The following SBNO1 variants were observed in gnomAD, a reference collection of about 807,000 sequenced individuals.
The protein encoded by SBNO1 is protein strawberry notch homolog 1.
A neutral mutation model predicts 173.6 loss-of-function variants in SBNO1; 23 were observed. The observed-to-expected ratio is 0.13, with a 90% CI of 0.10 to 0.19. SBNO1 has a LOEUF of 0.19. Among genes scored for constraint, SBNO1 ranks in the 10% least tolerant of loss-of-function variants. The pLI is 1.00. For missense variants in SBNO1, 1,238 were observed against 1,671.2 expected (o/e 0.74, Z 4.52); for synonymous variants, 632 against 571.5 (o/e 1.11, Z -1.51).
intron 1 of SBNO1, among the ~76,000 whole-genome samples, chr12:123,358,984 G>A (rs529623195): frequency 1.3e-3 from 204 of 151,714 alleles, no homozygotes; most frequent in Non-Finnish European, 2.1e-3. Flanking sequence ...CCAGGATGGA[G>A]GGCAGAGGCG....
intron 17 of SBNO1, among the ~76,000 whole-genome samples, chr12:123,321,229 G>A (rs931970364): frequency 6.6e-5 from 10 of 152,106 alleles, no homozygotes; most frequent in African/African-American, 1.7e-4. Flanking sequence ...ATGAGCCACC[G>A]CGCCTGGATG....
At chr12:123,303,058 C>T (rs1159010276) in intron 29 of SBNO1, among the ~76,000 whole-genome samples, 158 bp from the exon 30 acceptor site, 1 of 152,182 alleles carries the variant, frequency 6.6e-6, no homozygotes, top group Non-Finnish European at 1.5e-5. Flanking sequence ...ATTTGAAAAG[C>T]TCTGTCATGC....
intron 29 of SBNO1, 126 bp from the exon 30 acceptor site, chr12:123,303,026 C>G (rs958713626): frequency 1.6e-5 from 11 of 683,688 alleles, no homozygotes; most frequent in South Asian, 5.6e-5. Context: ...CTAACCCTTG[C>G]TATTAACTGA....
chr12:123,322,298 AT>A (rs772287795), intron 16 of SBNO1, among the ~76,000 whole-genome samples: 1,506 of 144,732 alleles, frequency 0.01, 13 homozygotes, highest in Admixed American at 0.02. Flanking sequence ...ATGACCAGAT[AT>A]TTTTTTTTTT....
intron 28 of SBNO1, among the ~76,000 whole-genome samples, chr12:123,309,075 A>G (rs1308188285): frequency 1.0e-5 from 1 of 100,114 alleles, no homozygotes; most frequent in Admixed American, 1.1e-4. Flanking sequence ...CTGTCTCAGA[A>G]AGAAAAAAAA....
chr12:123,296,586 G>C (rs150192945), intron 31 of SBNO1, among the ~76,000 whole-genome samples: 1 of 150,570 alleles, frequency 6.6e-6, no homozygotes, highest in African/African-American at 2.4e-5. Context: ...TTCTGAGATG[G>C]AGTATTGCTC....
chr12:123,327,667 G>C (rs772597793), intron 12 of SBNO1, 40 bp downstream of exon 12: 3 of 1,579,604 alleles, frequency 1.9e-6, no homozygotes, highest in Non-Finnish European at 2.6e-6. Context: ...ACACTTCTTA[G>C]ATTGCTACTG....
intron 30 of SBNO1, 143 bp from the exon 31 acceptor site, chr12:123,298,314 T>C: frequency 1.3e-6 from 1 of 767,770 alleles, no homozygotes; most frequent in African/African-American, 1.8e-5. Flanking sequence ...TTGCCCAGAC[T>C]GGAGCGCAGT....
intron 1 of SBNO1, chr12:123,364,129 T>G: frequency 1.0e-5 from 10 of 985,546 alleles, no homozygotes; most frequent in Non-Finnish European, 1.2e-5. Flanking sequence ...AGCCTGCACG[T>G]GTCCCCCGCG....
intron 26 of SBNO1, 52 bp from the exon 27 acceptor site, chr12:123,309,635 T>C (rs1192215506): frequency 6.3e-7 from 1 of 1,598,272 alleles, no homozygotes; most frequent in Admixed American, 1.7e-5. Flanking sequence ...TTTTATCAGG[T>C]ACACACGTTT....
chr12:123,296,556 T>G (rs75953847), intron 31 of SBNO1, among the ~76,000 whole-genome samples: 605 of 39,046 alleles, frequency 0.015, 5 homozygotes, highest in African/African-American at 0.02. Flanking sequence ...TATATATGTG[T>G]TTTTTTTTTT....
intron 1 of SBNO1, among the ~76,000 whole-genome samples, chr12:123,361,502 C>T (rs771860592): frequency 1.3e-5 from 2 of 151,666 alleles, no homozygotes; most frequent in Non-Finnish European, 2.9e-5. Flanking sequence ...GGGCCGAGAT[C>T]GCGCCATTGC....
rs2048501702 is a variant in SBNO1, at chr12:123,290,863, G to T, written c.*5045C>A. 6.6e-6 allele frequency: 1 copy of T among 151,600 alleles called. No homozygotes were observed. The highest frequency in any genetic ancestry group is 6.6e-5 in the Admixed American group (1 of 15,220). The allele number at this position is 151,600 out of a possible 1,614,324, so 9.4% of individuals were successfully genotyped here. On this transcript the variant is annotated 3_prime_UTR_variant, in exon 32 of 32. Transcript: ENST00000602398. Reference sequence around the variant, plus strand: ...TGCCATTCTCCTGCCTCAGCCTCCTGAGTAGCTGGGACTACAGGCACCCGC... The same window carrying T: ...TGCCATTCTCCTGCCTCAGCCTCCTTAGTAGCTGGGACTACAGGCACCCGC...
At chr12:123,330,662 G>A (rs1279781012) in intron 8 of SBNO1, among the ~76,000 whole-genome samples, 153 bp from the exon 9 acceptor site, 1 of 150,438 alleles carries the variant, frequency 6.6e-6, no homozygotes, top group Non-Finnish European at 1.5e-5. Flanking sequence ...CCCACTGAGT[G>A]CAGTGGCTCA....
rs1487926394 is a variant in SBNO1 at position 123,295,000 on chromosome 12, T to C, written c.*908A>G. 1 of 152,256 alleles carries C rather than the reference T, an allele frequency of 6.6e-6. No homozygotes were observed. Among genetic ancestry groups the C allele is most frequent in the African/African-American group, 2.4e-5 (1 of 41,472 alleles). 9.4% of individuals were successfully genotyped at this position (152,256 alleles called of 1,614,324 possible). A position where few individuals can be genotyped will look rare whatever the true frequency, so the allele number is the denominator to read the frequency against. The stretch of plus-strand genomic sequence containing the variant: ...ATTAAGATAATGAAGTAAAAAACGA[T>C]TGTTTGCAAGATGAAAGCCAATTTG... On this transcript the variant is annotated 3_prime_UTR_variant, in exon 32 of 32. Coordinates refer to ENST00000602398, the MANE Select transcript of SBNO1 (RefSeq NM_001167856.3).
rs755007972 is a variant in SBNO1 at position 123,328,039 on chromosome 12, G to A, written c.1297-12C>T. On this transcript the variant is annotated splice_polypyrimidine_tract_variant and intron_variant, in intron 10 of 31. Transcript: ENST00000602398. Reference sequence around the variant, plus strand: ...TCATCAAACACTATCTAAATGGAATGAGTTAAGGAATGTATCACATTAGTA... The same window carrying A: ...TCATCAAACACTATCTAAATGGAATAAGTTAAGGAATGTATCACATTAGTA... The A allele has an allele frequency of 3.8e-6, 6 of 1,595,344 alleles. No homozygotes were observed. Among genetic ancestry groups the A allele is most frequent in the Non-Finnish European group, 4.3e-6 (5 of 1,167,560 alleles).
chr12:123,306,820 C>A (rs1229073807), intron 28 of SBNO1, among the ~76,000 whole-genome samples: 1 of 151,874 alleles, frequency 6.6e-6, no homozygotes, highest in African/African-American at 2.4e-5. Context: ...TAAAAGTATG[C>A]AAGATGTTTA....
At chr12:123,337,190 T>C (rs893921917) in intron 5 of SBNO1, among the ~76,000 whole-genome samples, 7 of 152,196 alleles carry the variant, frequency 4.6e-5, no homozygotes, top group Non-Finnish European at 1.0e-4. Context: ...AGGATTACAC[T>C]GAGAAAACAG....
Position 123,293,105 on chromosome 12 carries a change from T to A in SBNO1, c.*2803A>T, listed in dbSNP as rs2048535513. 1 of 152,154 alleles carries A rather than the reference T, an allele frequency of 6.6e-6. No individual in the cohort carries two copies. Among genetic ancestry groups the A allele is most frequent in the Non-Finnish European group, 1.5e-5 (1 of 68,028 alleles). 9.4% of individuals were successfully genotyped at this position (152,154 alleles called of 1,614,324 possible). ...ATCTTTGTGCTCAGAGCCATATTGC[T>A]AAAAAGAAAAAGGCATTGCAGAGGC... On this transcript the variant is annotated 3_prime_UTR_variant, in exon 32 of 32. Coordinates refer to ENST00000602398, the MANE Select transcript of SBNO1 (RefSeq NM_001167856.3).
Sources: gnomAD v4.1 joint callset for allele counts (sites outside exome capture counted in the v4.1 genomes callset) on GRCh38, gnomAD v4.1.1 for gene constraint, MANE v1.5 for transcripts, NCBI Gene and HGNC (gene_info 2026-07-23, HGNC 2026-07-21) for gene names.